The following WDFY3 variants were observed in gnomAD, a reference collection of about 807,000 sequenced individuals.
WDFY3 encodes the protein WD repeat and FYVE domain-containing protein 3.
WDFY3 carries 66 observed loss-of-function variants against 409.6 expected under a neutral mutation model. The observed-to-expected ratio is 0.16, with a 90% CI of 0.13 to 0.20. WDFY3 has a LOEUF of 0.20. Among genes scored for constraint, WDFY3 ranks in the 10% least tolerant of loss-of-function variants. WDFY3 has a pLI of 1.00. For synonymous variants in WDFY3, 1,521 were observed against 1,537.1 expected, an observed-to-expected ratio of 0.99 and a Z score of 0.25; for missense variants, 3,031 against 4,298.1, an observed-to-expected ratio of 0.71 and a Z score of 8.24.
chr4:84,805,324 C>T (rs1343539074), intron 15 of WDFY3, among the ~76,000 whole-genome samples: 2 of 152,210 alleles, frequency 1.3e-5, no homozygotes, highest in African/African-American at 2.4e-5. Flanking sequence ...TACAGTAGTA[C>T]ATTTTTTATC....
At position 84,671,490 on chromosome 4, in the gene WDFY3, T is replaced by C. The variant is rs1439993505; in HGVS notation, c.*1378A>G. On this transcript the variant is annotated 3_prime_UTR_variant, in exon 68 of 68. Transcript: ENST00000295888. ...GATTAATTGTTTCATTTTTAATATA[T>C]ATTATATATATATATATATGTACAT... 1 of 149,218 alleles carries C rather than the reference T, an allele frequency of 6.7e-6. No homozygotes were observed. The highest frequency in any genetic ancestry group is 1.5e-5 in the Non-Finnish European group (1 of 67,340). 9.2% of individuals were successfully genotyped at this position (149,218 alleles called of 1,614,324 possible). A position where few individuals can be genotyped will look rare whatever the true frequency, so the allele number is the denominator to read the frequency against.
chr4:84,812,547 C>A (rs1752673416), intron 13 of WDFY3, among the ~76,000 whole-genome samples: 1 of 151,960 alleles, frequency 6.6e-6, no homozygotes, highest in South Asian at 2.1e-4. Context: ...ATGTAAGAAC[C>A]CTTAGAGAAG....
chr4:84,726,962 G>A (rs1735762943), intron 44 of WDFY3, 51 bp from the exon 45 acceptor site: 10 of 1,511,492 alleles, frequency 6.6e-6, no homozygotes, highest in African/African-American at 2.8e-5. Flanking sequence ...AACATAAAGA[G>A]GAACACAAAA....
intron 3 of WDFY3, among the ~76,000 whole-genome samples, chr4:84,881,183 T>C (rs1046211962): frequency 6.6e-6 from 1 of 152,162 alleles, no homozygotes; most frequent in Non-Finnish European, 1.5e-5. Context: ...TTACATCACA[T>C]ACTTTTATTT....
chr4:84,850,134 C>T, intron 4 of WDFY3, 109 bp from the exon 5 acceptor site: 1 of 1,187,512 alleles, frequency 8.4e-7, no homozygotes. Context: ...AAAAGTCTAC[C>T]TACACAGTTA....
chr4:84,890,724 G>A (rs113262614), intron 3 of WDFY3, among the ~76,000 whole-genome samples: 16 of 152,314 alleles, frequency 1.1e-4, no homozygotes, highest in Non-Finnish European at 1.8e-4. Flanking sequence ...CCTTAACACT[G>A]CCACTGTAGC....
At chr4:84,731,088 C>T (rs541889848) in intron 44 of WDFY3, among the ~76,000 whole-genome samples, 15 of 152,226 alleles carry the variant, frequency 9.9e-5, no homozygotes, top group Non-Finnish European at 7.4e-5. Flanking sequence ...TGAGCCACTG[C>T]GCCTGGCAAA....
intron 2 of WDFY3, among the ~76,000 whole-genome samples, chr4:84,911,414 G>A (rs1210526401): frequency 1.3e-5 from 2 of 152,098 alleles, no homozygotes. Context: ...TTGAGCCCAG[G>A]AATTGAGGGT....
chr4:84,895,803 A>G lies in WDFY3; in HGVS notation c.-32+1108T>C, dbSNP rs373517379. Among the ~76,000 whole-genome samples the G allele has an allele frequency of 4.6e-5, 7 of 152,334 alleles. No individual in the cohort carries two copies. In the South Asian group the frequency reaches 6.2e-4, roughly 14 times the overall value. On this transcript the variant is annotated intron_variant, in intron 3 of 67. Transcript: ENST00000295888. The stretch of plus-strand genomic sequence containing the variant: ...AAAGGATTAACAATCTAGGAAGTAG[A>G]TATCTTTCAGGATCAAAAGAAAAAG...
chr4:84,904,538 T>A (rs1358067469), intron 2 of WDFY3, among the ~76,000 whole-genome samples: 2 of 152,136 alleles, frequency 1.3e-5, no homozygotes, highest in East Asian at 1.9e-4. Context: ...CTGCCAAAAA[T>A]TTTTAAAAAT....
chr4:84,860,192 T>A (rs1464420235), intron 4 of WDFY3, among the ~76,000 whole-genome samples: 1 of 152,174 alleles, frequency 6.6e-6, no homozygotes, highest in African/African-American at 2.4e-5. Flanking sequence ...ACTTTATCTG[T>A]TAAAAATCAA....
chr4:84,825,432 T>C (rs1248044989), intron 10 of WDFY3, among the ~76,000 whole-genome samples: 1 of 151,340 alleles, frequency 6.6e-6, no homozygotes, highest in African/African-American at 2.4e-5. Context: ...AGTGGTGTGA[T>C]GACAGCTCAC....
In WDFY3 at chr4:84,690,678, C is replaced by G. The variant is rs756372134; in HGVS notation, c.9205-14G>C. ...AACAGTCATGGCCTATAAAGTAAAA[C>G]GGATGTGAGACACACATGCCGTTAA... On this transcript the variant is annotated splice_polypyrimidine_tract_variant and intron_variant, in intron 60 of 67. Transcript: ENST00000295888. The G allele has an allele frequency of 6.2e-7, 1 of 1,602,064 alleles. No individual in the cohort carries two copies. The highest frequency in any genetic ancestry group is 1.7e-5 in the Admixed American group (1 of 58,526).
chr4:84,677,985 AAAG>A (rs1206346011), intron 66 of WDFY3, among the ~76,000 whole-genome samples, 180 bp downstream of exon 66: 10 of 150,898 alleles, frequency 6.6e-5, no homozygotes, highest in African/African-American at 2.5e-4. Flanking sequence ...AAAAAAAAAA[AAAG>A]AAAAAGAAAA....
intron 3 of WDFY3, among the ~76,000 whole-genome samples, chr4:84,869,466 TAC>T (rs1342254412): frequency 6.6e-6 from 1 of 152,176 alleles, no homozygotes; most frequent in African/African-American, 2.4e-5. Context: ...TGCTGGGTAC[TAC>T]AGAGAAAACT....
chr4:84,827,598 CATA>C (rs1755045211), intron 9 of WDFY3, among the ~76,000 whole-genome samples: 2 of 152,094 alleles, frequency 1.3e-5, no homozygotes, highest in African/African-American at 4.8e-5. Context: ...GATCAATAAA[CATA>C]AATGAAATTA....
At chr4:84,915,520 C>T (rs1336394205) in intron 2 of WDFY3, among the ~76,000 whole-genome samples, 3 of 152,104 alleles carry the variant, frequency 2.0e-5, no homozygotes, top group Non-Finnish European at 4.4e-5. Context: ...ACTAAAGAAG[C>T]CTATAAATGA....
intron 2 of WDFY3, among the ~76,000 whole-genome samples, chr4:84,901,508 C>T (rs905091731): frequency 2.0e-5 from 3 of 152,100 alleles, no homozygotes; most frequent in African/African-American, 7.2e-5. Context: ...TTTTCAGTCT[C>T]CATAAGCATA....
intron 40 of WDFY3, among the ~76,000 whole-genome samples, chr4:84,738,318 T>G (rs1195935832): frequency 6.6e-6 from 1 of 151,376 alleles, no homozygotes; most frequent in East Asian, 1.9e-4. Flanking sequence ...AGAGAGGGGC[T>G]GGGCATGGTA....
Sources: allele counts gnomAD v4.1 joint callset (sites outside exome capture counted in the v4.1 genomes callset), GRCh38; gene constraint gnomAD v4.1.1; transcripts MANE v1.5; gene names NCBI Gene and HGNC (gene_info 2026-07-23, HGNC 2026-07-21).